Variants in SUPV3L1 observed in about 807,000 individuals in gnomAD.
The protein encoded by SUPV3L1 is Suv3 like RNA helicase.
A neutral mutation model predicts 70.0 loss-of-function variants in SUPV3L1; 35 were observed. That is an observed-to-expected ratio of 0.50 (90% CI 0.38 to 0.66). The LOEUF (loss-of-function observed/expected upper bound fraction) is 0.66. Among genes scored for constraint, SUPV3L1 ranks in the 30% least tolerant of loss-of-function variants. The pLI is 0.00. For missense variants in SUPV3L1, 777 were observed against 961.5 expected (o/e 0.81, Z 2.54); for synonymous variants, 364 against 341.9 (o/e 1.06, Z -0.71).
chr10:69,201,739 T>G (rs548410988), intron 11 of SUPV3L1, among the ~76,000 whole-genome samples: 72 of 152,196 alleles, frequency 4.7e-4, no homozygotes, highest in African/African-American at 1.7e-3. Flanking sequence ...GAATCTCCTT[T>G]TGTTGCCCAG....
In SUPV3L1 at chr10:69,208,646, C is replaced by T. The variant is rs1226093472; in HGVS notation, c.1972C>T (p.Leu658Phe). The change falls in exon 15 of 15, where the codon CTC becomes TTC. Residue 658 changes from leucine to phenylalanine, a missense_variant. Leu to Phe is a conservative substitution (Grantham distance 22). Around this residue, in one of 2 missense-constraint regions of SUPV3L1, gnomAD observed 619 missense variants for 823.3 expected, o/e 0.75. Transcript: ENST00000359655. ...MFPDASLIRDLQKELDGIIQD... is the reference protein window; with the variant it reads ...MFPDASLIRDFQKELDGIIQD... ...TCCAGATGCCAGCCTTATTCGAGAT[C>T]TCCAGAAAGAACTAGATGGTATTAT... 2 of 1,613,798 alleles carry T rather than the reference C, an allele frequency of 1.2e-6. No homozygotes were observed. The highest frequency in any genetic ancestry group is 1.7e-6 in the Non-Finnish European group (2 of 1,179,678).
At chr10:69,196,744 C>T (rs973782034) in intron 7 of SUPV3L1, among the ~76,000 whole-genome samples, 1 of 152,108 alleles carries the variant, frequency 6.6e-6, no homozygotes, top group Non-Finnish European at 1.5e-5. Context: ...TGGCTCATTT[C>T]ACTCTGATAG....
chr10:69,208,798 A>G lies in SUPV3L1; in HGVS notation c.2124A>G (p.Arg708=), dbSNP rs769331245. The G allele has an allele frequency of 6.2e-7, 1 of 1,614,208 alleles. No individual in the cohort carries two copies. Among genetic ancestry groups the G allele is most frequent in the South Asian group, 1.1e-5 (1 of 91,090 alleles). Reference sequence around the variant, plus strand: ...CAGGAACCTTAAAGAGCCAAGCTAGAAGGACACGCGGCACCAAAGCTCTAG... The same window carrying G: ...CAGGAACCTTAAAGAGCCAAGCTAGGAGGACACGCGGCACCAAAGCTCTAG... The part of the protein sequence containing the change: ...RLSGTLKSQA[R]RTRGTKALGS... Residue 708 remains arginine (R), a synonymous_variant, in exon 15 of 15, where the codon AGA becomes AGG. Coordinates refer to ENST00000359655, the MANE Select transcript of SUPV3L1 (RefSeq NM_003171.5).
chr10:69,196,860 T>G (rs1388877891), intron 7 of SUPV3L1, 132 bp from the exon 8 acceptor site: 2 of 669,514 alleles, frequency 3.0e-6, no homozygotes, highest in African/African-American at 3.6e-5. Context: ...GCATCAGAGA[T>G]AATATTTTTG....
rs965380763 is a variant in SUPV3L1 at position 69,208,815 on chromosome 10, A to G, written c.2141A>G (p.Lys714Arg). Residue 714 changes from lysine (K) to arginine (R), a missense_variant, in exon 15 of 15, where the codon AAA becomes AGA. Around this residue, in one of 2 missense-constraint regions of SUPV3L1, gnomAD observed 619 missense variants for 823.3 expected, o/e 0.75. Transcript: ENST00000359655. Reference sequence around the variant, plus strand: ...CAAGCTAGAAGGACACGCGGCACCAAAGCTCTAGGGAGTAAAGCTACTGAG... The same window carrying G: ...CAAGCTAGAAGGACACGCGGCACCAGAGCTCTAGGGAGTAAAGCTACTGAG... The part of the protein sequence containing the change: ...KSQARRTRGT[K>R]ALGSKATEPP... 3 of 1,614,046 alleles carry G rather than the reference A, an allele frequency of 1.9e-6. No individual in the cohort carries two copies. The highest frequency in any genetic ancestry group is 3.3e-5 in the Admixed American group (2 of 59,998).
At chr10:69,190,331 A>G (rs1449430522) in intron 5 of SUPV3L1, among the ~76,000 whole-genome samples, 3 of 152,194 alleles carry the variant, frequency 2.0e-5, no homozygotes, top group African/African-American at 7.2e-5. Context: ...CTGTAGTCTG[A>G]GGCATCATTT....
At chr10:69,204,233 C>T (rs1286667747) in intron 13 of SUPV3L1, among the ~76,000 whole-genome samples, 1 of 152,088 alleles carries the variant, frequency 6.6e-6, no homozygotes, top group African/African-American at 2.4e-5. Flanking sequence ...ACCTTATAAA[C>T]ATAACATGTT....
chr10:69,184,511 G>A (rs865777051), intron 1 of SUPV3L1, among the ~76,000 whole-genome samples: 9 of 152,036 alleles, frequency 5.9e-5, no homozygotes, highest in African/African-American at 1.7e-4. Flanking sequence ...CTCCAGCCTG[G>A]GCAACAAGAG....
At position 69,208,991 on chromosome 10, in the gene SUPV3L1, C is replaced by T; in HGVS notation, c.2317C>T (p.Pro773Ser). The T allele has an allele frequency of 6.3e-7, 1 of 1,592,624 alleles. No individual in the cohort carries two copies. The highest frequency in any genetic ancestry group is 1.4e-5 in the African/African-American group (1 of 73,694). The change falls in exon 15 of 15, where the codon CCA becomes TCA. Residue 773 changes from proline to serine, a missense_variant. This residue lies in a region of SUPV3L1 where 619 missense variants were observed against 823.3 expected (regional missense o/e 0.75). Coordinates refer to ENST00000359655, the MANE Select transcript of SUPV3L1 (RefSeq NM_003171.5). ...NKEKTESGTH[P>S]KGTRRKKKEP... ...AGAAAAAACAGAGTCTGGGACTCAT[C>T]CAAAAGGGACGAGAAGAAAGAAGAA...
In SUPV3L1 at chr10:69,198,110, C is replaced by T. The variant is rs955895993; in HGVS notation, c.1024-262C>T. Among the ~76,000 whole-genome samples the T allele has an allele frequency of 5.3e-5, 8 of 151,934 alleles. No individual in the cohort carries two copies. The East Asian group carries it at 9.6e-4, about 18-fold the overall frequency. ...AACCTTTCTGAACTTAACACATTGC[C>T]GTGAAAATGAAATATATGAGAAAAA... On this transcript the variant is annotated intron_variant, in intron 8 of 14. Transcript: ENST00000359655.
At chr10:69,184,452 T>C (rs1842158923) in intron 1 of SUPV3L1, among the ~76,000 whole-genome samples, 2 of 152,158 alleles carry the variant, frequency 1.3e-5, no homozygotes, top group African/African-American at 4.8e-5. Context: ...GGAGAATCTC[T>C]TGAGCCCGAA....
chr10:69,184,717 T>C lies in SUPV3L1; in HGVS notation c.272-1270T>C, dbSNP rs140065514. On this transcript the variant is annotated intron_variant, in intron 1 of 14. Coordinates refer to ENST00000359655, the MANE Select transcript of SUPV3L1 (RefSeq NM_003171.5). Reference sequence around the variant, plus strand: ...TCTAGTGATTCTGAAATTTCCTCATTCTGTCAAACAGTTTTATTAGTGGAA... The same window carrying C: ...TCTAGTGATTCTGAAATTTCCTCATCCTGTCAAACAGTTTTATTAGTGGAA... Among the ~76,000 whole-genome samples the C allele has an allele frequency of 9.9e-5, 15 of 152,154 alleles. No homozygotes were observed. The East Asian group carries it at 2.7e-3, about 27-fold the overall frequency.
At chr10:69,205,079 G>A (rs1302703766) in intron 13 of SUPV3L1, among the ~76,000 whole-genome samples, 2 of 152,094 alleles carry the variant, frequency 1.3e-5, no homozygotes, top group Non-Finnish European at 2.9e-5. Context: ...CCCTATCAAC[G>A]TTATCTTAAT....
Position 69,199,111 on chromosome 10 carries a change from A to G in SUPV3L1, c.1212A>G (p.Lys404=). 6.2e-7 allele frequency: 1 copy of G among 1,611,010 alleles called. No individual in the cohort carries two copies. Among genetic ancestry groups the G allele is most frequent in the Admixed American group, 1.7e-5 (1 of 59,328 alleles). Residue 404 remains lysine (K), a synonymous_variant, in exon 10 of 15, where the codon AAA becomes AAG. Transcript: ENST00000359655. ...VIYGSLPPGT[K]LAQAKKFNDP... The stretch of plus-strand genomic sequence containing the variant: ...AAATTGTTCTTGTTTTAGGGACCAA[A>G]CTTGCTCAAGCAAAAAAGTTTAATG...
chr10:69,186,600 C>T, intron 3 of SUPV3L1, 50 bp downstream of exon 3: 1 of 1,435,334 alleles, frequency 7.0e-7, no homozygotes, highest in Non-Finnish European at 9.8e-7. Context: ...CCTTCTATTT[C>T]TTCTCATACT....
Position 69,205,607 on chromosome 10 carries a change from C to T in SUPV3L1, c.1777-2186C>T, listed in dbSNP as rs191859304. ...GGAGTGCAGTGGTATGAGCTTGGCTCACTGCAACCTCCGCCTCCCAGGTTC... is the reference window on the plus strand; with the variant it reads ...GGAGTGCAGTGGTATGAGCTTGGCTTACTGCAACCTCCGCCTCCCAGGTTC... On this transcript the variant is annotated intron_variant, in intron 13 of 14. Coordinates refer to ENST00000359655, the MANE Select transcript of SUPV3L1 (RefSeq NM_003171.5). Among the ~76,000 whole-genome samples the T allele has an allele frequency of 7.0e-3, 1,066 of 152,300 alleles. 11 individuals carry two copies. Among genetic ancestry groups the T allele is most frequent in the African/African-American group, 0.024 (1,010 of 41,540 alleles).
intron 1 of SUPV3L1, among the ~76,000 whole-genome samples, chr10:69,181,349 TAGG>T (rs939918911): frequency 2.0e-5 from 3 of 152,218 alleles, no homozygotes; most frequent in African/African-American, 7.2e-5. Flanking sequence ...TCTCCAGGAA[TAGG>T]AGGAGAAATG....
rs2132301787 is a variant in SUPV3L1 at position 69,202,482 on chromosome 10, C to T, written c.1562C>T (p.Ala521Val). ...ACTGCTGAGCAGATTGAAATGTTTG[C>T]CTACCATCTCCCTGATGCAACACTG... Reference protein sequence around the residue: ...HPTAEQIEMFAYHLPDATLSN... With the variant: ...HPTAEQIEMFVYHLPDATLSN... The change falls in exon 12 of 15, where the codon GCC becomes GTC. Residue 521 changes from alanine to valine, a missense_variant. Ala to Val is a moderately conservative substitution (Grantham distance 64, BLOSUM62 0). Coordinates refer to ENST00000359655, the MANE Select transcript of SUPV3L1 (RefSeq NM_003171.5). 1 of 1,613,504 alleles carries T rather than the reference C, an allele frequency of 6.2e-7. No individual in the cohort carries two copies. The highest frequency in any genetic ancestry group is 1.7e-5 in the Admixed American group (1 of 59,972).
intron 13 of SUPV3L1, among the ~76,000 whole-genome samples, chr10:69,206,494 T>C (rs1459663161): frequency 2.0e-5 from 3 of 152,204 alleles, no homozygotes; most frequent in Admixed American, 6.5e-5. Context: ...GTACAGGTGA[T>C]GTATAATATT....
Sources: allele counts gnomAD v4.1 joint callset (sites outside exome capture counted in the v4.1 genomes callset), GRCh38; gene constraint gnomAD v4.1.1; regional missense constraint gnomAD v4.1.1; transcripts MANE v1.5; gene names NCBI Gene and HGNC (gene_info 2026-07-23, HGNC 2026-07-21).